The following INAVA variants were observed in gnomAD, a reference collection of about 807,000 sequenced individuals.
The protein encoded by INAVA is innate immunity activator.
In INAVA, 32 loss-of-function variants were observed where a neutral mutation model predicts 55.3. That is an observed-to-expected ratio of 0.58 (90% CI 0.44 to 0.78). The LOEUF (loss-of-function observed/expected upper bound fraction) is 0.78, where lower values mean the gene tolerates loss of function less well. Among genes scored for constraint, INAVA ranks in the 30% least tolerant of loss-of-function variants. The probability of loss-of-function intolerance (pLI) is 0.00; values close to 1 mark genes in which losing one functional copy is unlikely to be tolerated. For missense variants in INAVA, 756 were observed against 786.4 expected, an observed-to-expected ratio of 0.96 and a Z score of 0.46; for synonymous variants, 294 against 329.4, an observed-to-expected ratio of 0.89 and a Z score of 1.16.
chr1:200,893,879 G>T (rs370428882), upstream of INAVA, among the ~76,000 whole-genome samples: 5 of 152,044 alleles, frequency 3.3e-5, no homozygotes, highest in South Asian at 4.2e-4. Flanking sequence ...TTAGGGGCTG[G>T]GGGAGGGGAA....
intron 5 of INAVA, chr1:200,902,896 T>A (rs1653324916): frequency 6.6e-6 from 1 of 152,368 alleles, no homozygotes; most frequent in African/African-American, 2.4e-5. Flanking sequence ...AGGCCAGGAC[T>A]GGCCTGGGGC....
intron 2 of INAVA, among the ~76,000 whole-genome samples, chr1:200,898,731 GC>G (rs1394619572): frequency 1.3e-5 from 2 of 152,214 alleles, no homozygotes. Flanking sequence ...TTCAACTTTA[GC>G]CCCAGCTGAG....
chr1:200,909,337 G>A lies in INAVA; in HGVS notation c.899G>A (p.Arg300His), dbSNP rs780644069. ...GGTGTTCCTGGCCAGTGGCAGGGCC[G>A]CACCAGTGCCCCAGCCACCCCTGAG... is the stretch of plus-strand genomic sequence containing the variant. Reference protein sequence around the residue: ...IRGVPGQWQGRTSAPATPEIQ... With the variant: ...IRGVPGQWQGHTSAPATPEIQ... Residue 300 changes from arginine (R) to histidine (H), a missense_variant, in exon 8 of 10, where the codon CGC (arginine) becomes CAC (histidine). This residue lies in a region of INAVA where 639 missense variants were observed against 624.3 expected (regional missense o/e 1.02). Transcript: ENST00000413687. 6.8e-6 allele frequency: 11 copies of A among 1,610,236 alleles called. No individual in the cohort carries two copies. Among genetic ancestry groups the A allele is most frequent in the African/African-American group, 2.7e-5 (2 of 74,844 alleles).
rs576119514 is a variant in INAVA at position 200,912,254 on chromosome 1, G to A, written c.1644+117G>A. 277 of 997,042 alleles carry A rather than the reference G, an allele frequency of 2.8e-4. 1 individual carries two copies. The African/African-American group carries it at 4.3e-3, about 16-fold the overall frequency. 61.8% of individuals were successfully genotyped at this position (997,042 alleles called of 1,614,324 possible). A position where few individuals can be genotyped will look rare whatever the true frequency, so the allele number is the denominator to read the frequency against. ...GCATCAAAGCAGCAACCTAGTGGCCGGGTAATCCCCGTCTAGGAAGAACAG... is the reference window on the plus strand; with the variant it reads ...GCATCAAAGCAGCAACCTAGTGGCCAGGTAATCCCCGTCTAGGAAGAACAG... On this transcript the variant is annotated intron_variant, in intron 9 of 9. Coordinates refer to ENST00000413687, the MANE Select transcript of INAVA (RefSeq NM_001142569.3).
At position 200,913,696 on chromosome 1, in the gene INAVA, G is replaced by A. The variant is rs1557972227; in HGVS notation, c.*67G>A. 3.0e-6 allele frequency: 4 copies of A among 1,347,000 alleles called. No homozygotes were observed. The highest frequency in any genetic ancestry group is 4.2e-6 in the Non-Finnish European group (4 of 947,960). The allele number at this position is 1,347,000 out of a possible 1,614,324, so 83.4% of individuals were successfully genotyped here. On this transcript the variant is annotated 3_prime_UTR_variant, in exon 10 of 10. Coordinates refer to ENST00000413687, the MANE Select transcript of INAVA (RefSeq NM_001142569.3). ...TGGGCTGAGACCCCCCCACCCCTGAGTGCCTCTTTCAGCTCCCCCATCCCC... is the reference window on the plus strand; with the variant it reads ...TGGGCTGAGACCCCCCCACCCCTGAATGCCTCTTTCAGCTCCCCCATCCCC...
chr1:200,902,436 T>A (rs1038315670), intron 5 of INAVA, among the ~76,000 whole-genome samples: 4 of 152,234 alleles, frequency 2.6e-5, no homozygotes, highest in African/African-American at 9.6e-5. Context: ...TGCCTCCATG[T>A]GACAGTTAAC....
chr1:200,909,175 C>T, intron 7 of INAVA, 49 bp from the exon 8 acceptor site: 1 of 1,473,252 alleles, frequency 6.8e-7, no homozygotes. Context: ...CTCTTGAGCC[C>T]CTGAATGGAG....
At chr1:200,891,645 G>C (rs1334030702), upstream of INAVA, 1 of 1,516,642 alleles carries the variant, frequency 6.6e-7, no homozygotes, top group Non-Finnish European at 8.8e-7. Flanking sequence ...CTGAAGCTGC[G>C]AGGCTGGAGT....
chr1:200,899,770 A>G (rs1028363696), intron 3 of INAVA, among the ~76,000 whole-genome samples, 173 bp downstream of exon 3: 5 of 152,212 alleles, frequency 3.3e-5, no homozygotes, highest in Non-Finnish European at 7.3e-5. Context: ...CTTGTGCTGG[A>G]TGGAGAAGAG....
intron 2 of INAVA, among the ~76,000 whole-genome samples, chr1:200,899,172 GGGA>G (rs1258801378): frequency 6.6e-6 from 1 of 151,810 alleles, no homozygotes; most frequent in Non-Finnish European, 1.5e-5. Flanking sequence ...GGAAGAAGAA[GGGA>G]GGAGGAGTGG....
intron 5 of INAVA, among the ~76,000 whole-genome samples, chr1:200,903,483 G>A (rs1334833405): frequency 6.6e-6 from 1 of 151,506 alleles, no homozygotes; most frequent in Non-Finnish European, 1.5e-5. Context: ...GTGAGACTTT[G>A]TCTCAAAAAC....
upstream of INAVA, chr1:200,891,790 G>A: frequency 1.0e-6 from 1 of 988,620 alleles, no homozygotes; most frequent in Non-Finnish European, 1.4e-6. Flanking sequence ...CCTTAGCGGA[G>A]GGTGCCCTAC....
chr1:200,892,791 A>C (rs1449805345), upstream of INAVA, among the ~76,000 whole-genome samples: 1 of 152,202 alleles, frequency 6.6e-6, no homozygotes, highest in African/African-American at 2.4e-5. Context: ...GGTTCTTGGC[A>C]GGAGGTTTGG....
intron 9 of INAVA, among the ~76,000 whole-genome samples, chr1:200,913,288 A>G (rs1410250691): frequency 6.6e-6 from 1 of 152,180 alleles, no homozygotes; most frequent in African/African-American, 2.4e-5. Flanking sequence ...TGAGCCCAGG[A>G]AAGGTGGGGG....
intron 6 of INAVA, 142 bp downstream of exon 6, chr1:200,908,029 T>C: frequency 1.7e-6 from 1 of 602,158 alleles, no homozygotes. Context: ...GGACTTCATG[T>C]CAATTTCCGC....
intron 5 of INAVA, 60 bp downstream of exon 5, chr1:200,901,219 G>C: frequency 7.0e-7 from 1 of 1,419,528 alleles, no homozygotes; most frequent in Non-Finnish European, 9.3e-7. Context: ...GGGATGGTGG[G>C]CGCACAGCCC....
chr1:200,893,677 C>T (rs1489925446), upstream of INAVA, among the ~76,000 whole-genome samples: 13 of 152,128 alleles, frequency 8.5e-5, no homozygotes, highest in Admixed American at 7.2e-4. Flanking sequence ...GCCTGGAGCA[C>T]TCTGGGGCTA....
At chr1:200,900,858 T>G (rs748321624) in intron 4 of INAVA, 79 bp from the exon 5 acceptor site, 1 of 1,110,388 alleles carries the variant, frequency 9.0e-7, no homozygotes, top group Admixed American at 2.7e-5. Context: ...CCTAGAGCAC[T>G]GTGTCAGGGC....
At chr1:200,908,982 G>GAGTC (rs776449605) in intron 7 of INAVA, 42 bp downstream of exon 7, 1 of 1,575,236 alleles carries the variant, frequency 6.3e-7, no homozygotes, top group South Asian at 1.2e-5. Context: ...GCAGGGCAGG[G>GAGTC]AGTCGGTGGG....
Sources: gnomAD v4.1 joint callset for allele counts (sites outside exome capture counted in the v4.1 genomes callset) on GRCh38, gnomAD v4.1.1 for gene constraint, gnomAD v4.1.1 regional missense constraint, MANE v1.5 for transcripts, NCBI Gene and HGNC (gene_info 2026-07-23, HGNC 2026-07-21) for gene names.